Variants in ANKRD23 observed in about 807,000 individuals in gnomAD.
ANKRD23 encodes ankyrin repeat domain-containing protein 23.
A neutral mutation model predicts 38.1 loss-of-function variants in ANKRD23; 52 were observed. That is an observed-to-expected ratio of 1.36 (90% CI 1.09 to 1.72). The LOEUF (loss-of-function observed/expected upper bound fraction) is 1.72. Among genes scored for constraint, ANKRD23 ranks in the 40% most tolerant of loss-of-function variants. ANKRD23 has a pLI of 0.00. For synonymous variants in ANKRD23, 167 were observed against 162.9 expected, an observed-to-expected ratio of 1.03 and a Z score of -0.19; for missense variants, 416 against 400.2, an observed-to-expected ratio of 1.04 and a Z score of -0.34.
At chr2:96,843,047 G>A (rs2079779082) in intron 1 of ANKRD23, among the ~76,000 whole-genome samples, 1 of 152,222 alleles carries the variant, frequency 6.6e-6, no homozygotes, top group Non-Finnish European at 1.5e-5. Context: ...AAGGTTATGA[G>A]TTATTGGGAC....
chr2:96,840,753 G>A, intron 4 of ANKRD23, 34 bp downstream of exon 4: 1 of 1,613,018 alleles, frequency 6.2e-7, no homozygotes, highest in Non-Finnish European at 8.5e-7. Flanking sequence ...TGCAGCTGCA[G>A]CTGCTGCCAG....
chr2:96,839,360 G>A lies in ANKRD23; in HGVS notation c.*189C>T. ...GCGGCTCCCCTGACACTCGAAGCCAGGGAGGCCTCTCTCTTTGCCTGCTGG... is the reference window on the plus strand; with the variant it reads ...GCGGCTCCCCTGACACTCGAAGCCAAGGAGGCCTCTCTCTTTGCCTGCTGG... On this transcript the variant is annotated 3_prime_UTR_variant, in exon 9 of 9. Coordinates refer to ENST00000318357, the MANE Select transcript of ANKRD23 (RefSeq NM_144994.8). The A allele has an allele frequency of 1.6e-6, 2 of 1,256,302 alleles. No individual in the cohort carries two copies. The highest frequency in any genetic ancestry group is 2.0e-6 in the Non-Finnish European group (2 of 1,003,214). 77.8% of individuals were successfully genotyped at this position (1,256,302 alleles called of 1,614,324 possible). A position where few individuals can be genotyped will look rare whatever the true frequency, so the allele number is the denominator to read the frequency against.
In ANKRD23 at chr2:96,838,623, C is replaced by A; in HGVS notation, c.*926G>T. On this transcript the variant is annotated 3_prime_UTR_variant, in exon 9 of 9. Coordinates refer to ENST00000318357, the MANE Select transcript of ANKRD23 (RefSeq NM_144994.8). ...AGAGCTCAAGCTCCAGTACCAGGAA[C>A]ATAAGGGGACATAAGGGCCTCAGGC... The A allele has an allele frequency of 7.1e-6, 7 of 985,510 alleles. No homozygotes were observed. The highest frequency in any genetic ancestry group is 8.4e-6 in the Non-Finnish European group (7 of 830,020). The allele number at this position is 985,510 out of a possible 1,614,324, so 61.0% of individuals were successfully genotyped here.
rs2079769229 is a variant in ANKRD23, at chr2:96,842,194, GAAGAC to G, written c.175-14_175-10del. 1 of 1,613,866 alleles carries G rather than the reference GAAGAC, an allele frequency of 6.2e-7. No individual in the cohort carries two copies. Among genetic ancestry groups the G allele is most frequent in the Non-Finnish European group, 8.5e-7 (1 of 1,180,052 alleles). ...CTGTTAAATCTTTCAAGCTGGGGCA[GAAGAC>G]AAGACCATGCCAGCCATCAGCCGCT... is the stretch of plus-strand genomic sequence containing the variant. On this transcript the variant is annotated splice_polypyrimidine_tract_variant and intron_variant, in intron 2 of 8. Transcript: ENST00000318357.
chr2:96,838,939 A>G lies in ANKRD23; in HGVS notation c.*610T>C. ...ACCCACCTCCAGAGTTCCTATGACC[A>G]AAGTTGTCTAGAGCCGCTCCGGACA... On this transcript the variant is annotated 3_prime_UTR_variant, in exon 9 of 9. Coordinates refer to ENST00000318357, the MANE Select transcript of ANKRD23 (RefSeq NM_144994.8). 3.0e-6 allele frequency: 3 copies of G among 985,546 alleles called. No homozygotes were observed. In the South Asian group the frequency reaches 1.4e-4, roughly 46 times the overall value. The allele number at this position is 985,546 out of a possible 1,614,324, so 61.1% of individuals were successfully genotyped here.
At position 96,839,457 on chromosome 2, in the gene ANKRD23, G is replaced by T; in HGVS notation, c.*92C>A. 1 of 1,370,596 alleles carries T rather than the reference G, an allele frequency of 7.3e-7. No individual in the cohort carries two copies. The highest frequency in any genetic ancestry group is 1.8e-5 in the South Asian group (1 of 54,138). 84.9% of individuals were successfully genotyped at this position (1,370,596 alleles called of 1,614,324 possible). A position where few individuals can be genotyped will look rare whatever the true frequency, so the allele number is the denominator to read the frequency against. On this transcript the variant is annotated 3_prime_UTR_variant, in exon 9 of 9. Transcript: ENST00000318357. ...GGCCAGAGAGGGAGGAACCAGGGCT[G>T]AGGGCAGGAACCACAGAGGTGCAGA...
chr2:96,843,262 C>A (rs2079780852), intron 1 of ANKRD23, among the ~76,000 whole-genome samples: 1 of 152,176 alleles, frequency 6.6e-6, no homozygotes, highest in African/African-American at 2.4e-5. Flanking sequence ...CCTAACACCT[C>A]CCTGCCATTT....
intron 1 of ANKRD23, among the ~76,000 whole-genome samples, chr2:96,843,617 G>A (rs1001332794): frequency 6.6e-6 from 1 of 151,982 alleles, no homozygotes; most frequent in African/African-American, 2.4e-5. Context: ...TTTCCCATTC[G>A]ACTTCCCTCT....
At chr2:96,841,842 C>T (rs183245179) in intron 3 of ANKRD23, among the ~76,000 whole-genome samples, 7 of 152,340 alleles carry the variant, frequency 4.6e-5, no homozygotes, top group Middle Eastern at 3.4e-3. Context: ...CCCAGGACAG[C>T]GAGGTGACAC....
chr2:96,841,069 A>G, intron 3 of ANKRD23, 157 bp from the exon 4 acceptor site: 1 of 833,098 alleles, frequency 1.2e-6, no homozygotes, highest in Non-Finnish European at 1.8e-6. Context: ...CCACGCCAGG[A>G]GATTGAATAG....
Position 96,839,545 on chromosome 2 carries a change from G to A in ANKRD23, c.*4C>T. On this transcript the variant is annotated 3_prime_UTR_variant, in exon 9 of 9. Transcript: ENST00000318357. ...GAAAGGCGCGGCGGGGGGCGGTGCT[G>A]CGGTCAGCACCGGGTGCGGGGATGC... The A allele has an allele frequency of 6.9e-7, 1 of 1,440,546 alleles. No individual in the cohort carries two copies. Among genetic ancestry groups the A allele is most frequent in the South Asian group, 1.5e-5 (1 of 68,180 alleles). The allele number at this position is 1,440,546 out of a possible 1,614,324, so 89.2% of individuals were successfully genotyped here. A position where few individuals can be genotyped will look rare whatever the true frequency, so the allele number is the denominator to read the frequency against.
rs762392951 is a variant in ANKRD23, at chr2:96,839,595, C to A, written c.872G>T (p.Arg291Leu). Residue 291 changes from arginine to leucine, a missense_variant, in exon 9 of 9, where the codon CGG becomes CTG. Coordinates refer to ENST00000318357, the MANE Select transcript of ANKRD23 (RefSeq NM_144994.8). Reference sequence around the variant, plus strand: ...CGCCACGTGGGCCTGCAGGGCCTCCCGGATGCCGCGCTGCCAGTCTCGAGC... The same window carrying A: ...CGCCACGTGGGCCTGCAGGGCCTCCAGGATGCCGCGCTGCCAGTCTCGAGC... ...QLARDWQRGI[R>L]EALQAHVAHP... 1.5e-5 allele frequency: 22 copies of A among 1,485,396 alleles called. No homozygotes were observed. The highest frequency in any genetic ancestry group is 2.4e-5 in the East Asian group (1 of 42,026). The allele number at this position is 1,485,396 out of a possible 1,614,324, so 92.0% of individuals were successfully genotyped here.
chr2:96,838,248 G>C lies in ANKRD23; in HGVS notation c.*1301C>G. On this transcript the variant is annotated 3_prime_UTR_variant, in exon 9 of 9. Transcript: ENST00000318357. Reference sequence around the variant, plus strand: ...TCAGCCCGGTACCTAATGTAACCCAGGACCCATGTGAGGGAGGCTGAGCCT... The same window carrying C: ...TCAGCCCGGTACCTAATGTAACCCACGACCCATGTGAGGGAGGCTGAGCCT... 1 of 700,474 alleles carries C rather than the reference G, an allele frequency of 1.4e-6. No homozygotes were observed. The highest frequency in any genetic ancestry group is 6.4e-5 in the South Asian group (1 of 15,718). 43.4% of individuals were successfully genotyped at this position (700,474 alleles called of 1,614,324 possible).
Position 96,840,065 on chromosome 2 carries a change from G to A in ANKRD23, c.655C>T (p.Arg219Cys). The change falls in exon 7 of 9, where the codon CGC becomes TGC. Residue 219 changes from arginine (R) to cysteine (C), a missense_variant. Coordinates refer to ENST00000318357, the MANE Select transcript of ANKRD23 (RefSeq NM_144994.8). ...IGSTPLHVAV[R>C]TRHPDCLEHL... ...TCCAGGCAGTCGGGGTGCCGGGTGC[G>A]CACTGCCACGTGCAGGGGGGTGCTC... The A allele has an allele frequency of 2.6e-6, 4 of 1,561,226 alleles. No homozygotes were observed. The highest frequency in any genetic ancestry group is 3.5e-6 in the Non-Finnish European group (4 of 1,152,104).
chr2:96,839,981 C>G lies in ANKRD23; in HGVS notation c.723+16G>C. 1 of 1,552,298 alleles carries G rather than the reference C, an allele frequency of 6.4e-7. No individual in the cohort carries two copies. Among genetic ancestry groups the G allele is most frequent in the Non-Finnish European group, 8.7e-7 (1 of 1,147,310 alleles). On this transcript the variant is annotated intron_variant, in intron 7 of 8. Coordinates refer to ENST00000318357, the MANE Select transcript of ANKRD23 (RefSeq NM_144994.8). ...TGGAGCTGTCCGAGCCGGAAAAGAC[C>G]AAGCGCCTGCCTTACCTTATCCTGT...
At chr2:96,840,667 T>C (rs1156600657) in intron 4 of ANKRD23, 120 bp downstream of exon 4, 5 of 1,532,346 alleles carry the variant, frequency 3.3e-6, no homozygotes, top group African/African-American at 1.4e-5. Context: ...CAGGTGCCAC[T>C]GGATTCATGC....
chr2:96,839,503 T>C lies in ANKRD23; in HGVS notation c.*46A>G. ...GCAGACGCGGGGGCGGGGCACAGGA[T>C]GGAATGGTGGCAGTGCGAAAGGCGC... On this transcript the variant is annotated 3_prime_UTR_variant, in exon 9 of 9. Transcript: ENST00000318357. 1.4e-6 allele frequency: 2 copies of C among 1,414,618 alleles called. No individual in the cohort carries two copies. Among genetic ancestry groups the C allele is most frequent in the African/African-American group, 1.5e-5 (1 of 67,476 alleles). 87.6% of individuals were successfully genotyped at this position (1,414,618 alleles called of 1,614,324 possible).
Position 96,839,164 on chromosome 2 carries a change from C to G in ANKRD23, c.*385G>C. The G allele has an allele frequency of 2.0e-6, 2 of 1,018,506 alleles. No homozygotes were observed. The highest frequency in any genetic ancestry group is 2.3e-6 in the Non-Finnish European group (2 of 852,356). 63.1% of individuals were successfully genotyped at this position (1,018,506 alleles called of 1,614,324 possible). On this transcript the variant is annotated 3_prime_UTR_variant, in exon 9 of 9. Coordinates refer to ENST00000318357, the MANE Select transcript of ANKRD23 (RefSeq NM_144994.8). ...GAGAGAGCAAGGCAAGCCCCCTAAC[C>G]TGGGACAAGTGGACACTGAGGACTC...
intron 3 of ANKRD23, 169 bp from the exon 4 acceptor site, chr2:96,841,081 C>CTG (rs1173483792): frequency 7.6e-5 from 59 of 778,708 alleles, no homozygotes; most frequent in East Asian, 1.1e-4. Flanking sequence ...ATTGAATAGA[C>CTG]TGTGTGTGTG....
Sources: gnomAD v4.1 joint callset for allele counts (sites outside exome capture counted in the v4.1 genomes callset) on GRCh38, gnomAD v4.1.1 for gene constraint, MANE v1.5 for transcripts, NCBI Gene and HGNC (gene_info 2026-07-23, HGNC 2026-07-21) for gene names.